Variants in SLC24A2 observed in about 807,000 individuals in gnomAD.
SLC24A2 encodes the protein solute carrier family 24 member 2, also known as sodium/potassium/calcium exchanger 2.
SLC24A2 carries 36 observed loss-of-function variants against 62.0 expected under a neutral mutation model. The observed-to-expected ratio is 0.58, with a 90% CI of 0.44 to 0.77. The LOEUF (loss-of-function observed/expected upper bound fraction) is 0.77. Ranked by LOEUF, SLC24A2 falls within the 30% of genes least tolerant of loss-of-function variation. SLC24A2 has a pLI of 0.00. For synonymous variants in SLC24A2, 358 were observed against 294.0 expected (o/e 1.22, Z -2.23); for missense variants, 846 against 817.9 (o/e 1.03, Z -0.42).
chr9:19,546,414 G>C (rs899164479), intron 8 of SLC24A2, among the ~76,000 whole-genome samples: 1 of 152,080 alleles, frequency 6.6e-6, no homozygotes, highest in African/African-American at 2.4e-5. Context: ...GAAGCAGTCT[G>C]GCCACAGAGG....
rs941374382 is a variant in SLC24A2 at position 19,642,675 on chromosome 9, T to C, written c.931-20376A>G. ...TGGTTTATATGAGAGCGTATTCTTT[T>C]TTTTTTTTTTTTTTTTTTTTTTTGA... On this transcript the variant is annotated intron_variant, in intron 2 of 10. Coordinates refer to ENST00000341998, the MANE Select transcript of SLC24A2 (RefSeq NM_020344.4). 1.1e-4 allele frequency among the ~76,000 whole-genome samples: 12 copies of C among 108,282 alleles called. 2 individuals carry two copies. The highest frequency in any genetic ancestry group is 4.4e-3 in the Middle Eastern group (1 of 226). 71.0% of individuals were successfully genotyped at this position (108,282 alleles called of 152,430 possible).
intron 8 of SLC24A2, among the ~76,000 whole-genome samples, chr9:19,542,052 C>T (rs1258236900): frequency 2.6e-5 from 4 of 152,210 alleles, no homozygotes; most frequent in Non-Finnish European, 2.9e-5. Context: ...CAATGCCTCG[C>T]CCTGCTTCGG....
At chr9:20,238,596 A>G in the SLC24A2 span, among the ~76,000 whole-genome samples, 1 of 152,214 alleles carries the variant, frequency 6.6e-6, no homozygotes, top group Non-Finnish European at 1.5e-5. Flanking sequence ...TAACAAAAGT[A>G]TAAATGGAAG....
the SLC24A2 span, among the ~76,000 whole-genome samples, chr9:19,925,647 T>C: frequency 1.3e-5 from 2 of 152,206 alleles, no homozygotes; most frequent in East Asian, 3.9e-4. Context: ...CTGCGTCATG[T>C]ATTTTTCACA....
the SLC24A2 span, among the ~76,000 whole-genome samples, chr9:20,271,136 G>A: frequency 6.6e-6 from 1 of 152,098 alleles, no homozygotes; most frequent in Non-Finnish European, 1.5e-5. Flanking sequence ...GGCTCCCATA[G>A]AGCCCTTTCT....
rs536889928 is a variant in SLC24A2, at chr9:19,627,612, A to G, written c.931-5313T>C. Reference sequence around the variant, plus strand: ...GCGACCATAGCTCCCTGCAACCTCAAACTCCTGGGCTCAAGCAATCCTCTT... The same window carrying G: ...GCGACCATAGCTCCCTGCAACCTCAGACTCCTGGGCTCAAGCAATCCTCTT... On this transcript the variant is annotated intron_variant, in intron 2 of 10. Transcript: ENST00000341998. 2.9e-3 allele frequency among the ~76,000 whole-genome samples: 442 copies of G among 152,250 alleles called. 4 individuals are homozygous for G. Among genetic ancestry groups the G allele is most frequent in the African/African-American group, 0.01 (418 of 41,554 alleles).
At chr9:20,024,389 A>T in the SLC24A2 span, among the ~76,000 whole-genome samples, 20 of 152,320 alleles carry the variant, frequency 1.3e-4, no homozygotes, top group East Asian at 3.9e-3. Context: ...GGACTGGAAT[A>T]GAAATGTGAA....
chr9:19,836,929 A>C, the SLC24A2 span, among the ~76,000 whole-genome samples: 1 of 152,204 alleles, frequency 6.6e-6, no homozygotes, highest in African/African-American at 2.4e-5. Flanking sequence ...TCAACATATG[A>C]AAATCAATAA....
At chr9:19,916,993 T>TTG in the SLC24A2 span, among the ~76,000 whole-genome samples, 1 of 148,340 alleles carries the variant, frequency 6.7e-6, no homozygotes, top group South Asian at 2.1e-4. Context: ...TTTTTTTTTT[T>TTG]TTTTTTTTTT....
At chr9:19,781,411 G>T (rs1470005071) in intron 2 of SLC24A2, among the ~76,000 whole-genome samples, 1 of 152,158 alleles carries the variant, frequency 6.6e-6, no homozygotes, top group Non-Finnish European at 1.5e-5. Flanking sequence ...GGTGACTCCA[G>T]TTCTCTAGGA....
In SLC24A2 at chr9:19,722,486, T is replaced by C. The variant is rs191198398; in HGVS notation, c.930+63451A>G. 2.8e-4 allele frequency among the ~76,000 whole-genome samples: 42 copies of C among 152,212 alleles called. No individual in the cohort carries two copies. In the East Asian group the frequency reaches 7.5e-3, roughly 27 times the overall value. On this transcript the variant is annotated intron_variant, in intron 2 of 10. Transcript: ENST00000341998. ...AGAAAAGCTGAAAATAGTTGATTAA[T>C]ATTTGGTTTGTAATTCTGATGGTAT... is the stretch of plus-strand genomic sequence containing the variant.
chr9:20,143,516 T>A, the SLC24A2 span, among the ~76,000 whole-genome samples: 1 of 152,202 alleles, frequency 6.6e-6, no homozygotes, highest in Non-Finnish European at 1.5e-5. Context: ...CTGCAAAAGA[T>A]GATGAGAGAA....
the SLC24A2 span, among the ~76,000 whole-genome samples, chr9:20,293,486 C>T: frequency 1.3e-5 from 2 of 152,144 alleles, no homozygotes; most frequent in Non-Finnish European, 2.9e-5. Flanking sequence ...GCAAGATTGG[C>T]TGGCTGTGGC....
At chr9:19,828,959 T>G in the SLC24A2 span, among the ~76,000 whole-genome samples, 1 of 152,138 alleles carries the variant, frequency 6.6e-6, no homozygotes, top group African/African-American at 2.4e-5. Flanking sequence ...AGATCCCTAA[T>G]GGACACCCTG....
intron 2 of SLC24A2, among the ~76,000 whole-genome samples, chr9:19,746,779 T>C (rs987879024): frequency 6.6e-6 from 1 of 152,124 alleles, no homozygotes; most frequent in Non-Finnish European, 1.5e-5. Flanking sequence ...TTGGTGCTTA[T>C]TTTTAGTCAC....
intron 9 of SLC24A2, 55 bp downstream of exon 9, chr9:19,527,994 G>C: frequency 9.3e-7 from 1 of 1,081,038 alleles, no homozygotes. Context: ...TTAAACACTT[G>C]ACAATCAGGA....
At chr9:19,791,782 T>C (rs983341260), upstream of SLC24A2, among the ~76,000 whole-genome samples, 12 of 152,232 alleles carry the variant, frequency 7.9e-5, no homozygotes, top group African/African-American at 2.9e-4. Context: ...ACAGTAGCAT[T>C]TGCTAAGAGA....
the SLC24A2 span, among the ~76,000 whole-genome samples, chr9:20,208,486 A>C: frequency 6.6e-6 from 1 of 152,232 alleles, no homozygotes; most frequent in Non-Finnish European, 1.5e-5. Context: ...TTCCTCAAGT[A>C]ACTACTGCTA....
the SLC24A2 span, among the ~76,000 whole-genome samples, chr9:20,302,987 T>C: frequency 7.7e-3 from 1,174 of 152,318 alleles, 13 homozygotes; most frequent in African/African-American, 0.025. Context: ...GTCTCAATCT[T>C]GTTAGAGTAT....
Sources: gnomAD v4.1 joint callset for allele counts (sites outside exome capture counted in the v4.1 genomes callset) on GRCh38, gnomAD v4.1.1 for gene constraint, MANE v1.5 for transcripts, NCBI Gene and HGNC (gene_info 2026-07-23, HGNC 2026-07-21) for gene names.